TENM4: variants seen among roughly 807,000 people sequenced by gnomAD.
TENM4 encodes the protein teneurin transmembrane protein 4.
Under a neutral mutation model 243.3 loss-of-function variants are expected in TENM4, and 82 were observed. That is an observed-to-expected ratio of 0.34 (90% CI 0.28 to 0.40). The LOEUF (loss-of-function observed/expected upper bound fraction) is 0.40, where lower values mean the gene tolerates loss of function less well. TENM4 is among the 10% of genes least tolerant of loss of function. The pLI, the probability that TENM4 is intolerant of heterozygous loss-of-function variation, is 1.00. For missense variants in TENM4, 3,138 were observed against 3,673.3 expected (o/e 0.85, Z 3.77); for synonymous variants, 1,412 against 1,456.3 (o/e 0.97, Z 0.69).
At chr11:79,050,887 G>T (rs924240865) in intron 6 of TENM4, among the ~76,000 whole-genome samples, 1 of 152,286 alleles carries the variant, frequency 6.6e-6, no homozygotes, top group East Asian at 1.9e-4. Flanking sequence ...GCTGACTGGA[G>T]CCTTTTCACA....
chr11:78,906,259 AC>A (rs1856062141), intron 6 of TENM4, among the ~76,000 whole-genome samples: 1 of 152,356 alleles, frequency 6.6e-6, no homozygotes, highest in African/African-American at 2.4e-5. Context: ...ACAGATGAGG[AC>A]GCTGAGGCTT....
intron 4 of TENM4, among the ~76,000 whole-genome samples, chr11:79,089,931 A>G (rs903046575): frequency 7.9e-5 from 12 of 152,226 alleles, no homozygotes; most frequent in South Asian, 2.1e-4. Flanking sequence ...GCTGAGATTC[A>G]AAGCCCCACA....
At chr11:78,796,263 C>T (rs1286755431) in intron 15 of TENM4, among the ~76,000 whole-genome samples, 1 of 152,084 alleles carries the variant, frequency 6.6e-6, no homozygotes, top group African/African-American at 2.4e-5. Context: ...AGTTCAAACC[C>T]AGCTTGGAGG....
intron 1 of TENM4, among the ~76,000 whole-genome samples, chr11:79,360,153 T>C (rs1251098504): frequency 6.6e-6 from 1 of 152,210 alleles, no homozygotes; most frequent in African/African-American, 2.4e-5. Flanking sequence ...TTTATTATAG[T>C]TCATTTATGT....
At chr11:78,798,984 C>T (rs750194922) in intron 15 of TENM4, among the ~76,000 whole-genome samples, 11 of 152,118 alleles carry the variant, frequency 7.2e-5, no homozygotes, top group East Asian at 1.9e-4. Context: ...GTCTGATCCT[C>T]GGTGCCTAAA....
In TENM4 at chr11:79,052,665, C is replaced by T. The variant is rs1295903077; in HGVS notation, c.493+12073G>A. On this transcript the variant is annotated intron_variant, in intron 6 of 33. Transcript: ENST00000278550. Reference sequence around the variant, plus strand: ...GAGGGAGGGAGGAAGAAGCAGTTAACAGCAGCATCCATCACAGCTTATGCA... The same window carrying T: ...GAGGGAGGGAGGAAGAAGCAGTTAATAGCAGCATCCATCACAGCTTATGCA... 2.6e-5 allele frequency among the ~76,000 whole-genome samples: 4 copies of T among 152,170 alleles called. No homozygotes were observed. The East Asian group carries it at 7.7e-4, about 29-fold the overall frequency.
chr11:79,276,577 G>A (rs1856060418), intron 2 of TENM4, among the ~76,000 whole-genome samples: 1 of 152,124 alleles, frequency 6.6e-6, no homozygotes. Context: ...CTGATGCCTG[G>A]GCCTTTATCC....
Position 78,722,785 on chromosome 11 carries a change from T to C in TENM4, c.3683A>G (p.Lys1228Arg). Residue 1228 changes from lysine to arginine, a missense_variant, in exon 24 of 34, where the codon AAG (lysine) becomes AGG (arginine). Physicochemically the swap from Lys to Arg is conservative, Grantham distance 26. This residue lies in a region of TENM4 where 2,467 missense variants were observed against 3,059.1 expected (regional missense o/e 0.81). Transcript: ENST00000278550. ...GGTGAGGGCCACTGGGGCCAGGAGCTTGTTGCCGTCAGCAAGGCCGTTGCA... is the reference window on the plus strand; with the variant it reads ...GGTGAGGGCCACTGGGGCCAGGAGCCTGTTGCCGTCAGCAAGGCCGTTGCA... ...PSCNGLADGN[K>R]LLAPVALTCG... The C allele has an allele frequency of 6.2e-7, 1 of 1,614,068 alleles. No individual in the cohort carries two copies. Among genetic ancestry groups the C allele is most frequent in the South Asian group, 1.1e-5 (1 of 91,086 alleles).
Position 79,057,914 on chromosome 11 carries a change from C to G in TENM4, c.493+6824G>C, listed in dbSNP as rs909911081. Among the ~76,000 whole-genome samples, 95 of 152,310 alleles carry G rather than the reference C, an allele frequency of 6.2e-4. 1 individual carries two copies. Among genetic ancestry groups the G allele is most frequent in the African/African-American group, 2.2e-3 (90 of 41,572 alleles). On this transcript the variant is annotated intron_variant, in intron 6 of 33. Coordinates refer to ENST00000278550, the MANE Select transcript of TENM4 (RefSeq NM_001098816.3). ...CTTACCCCTCTTTGCCTGTTACAGT[C>G]CTTTCCAGCCCTCAAAACCTAGGGG... is the stretch of plus-strand genomic sequence containing the variant.
chr11:78,675,001 G>A (rs2135691303), intron 30 of TENM4, among the ~76,000 whole-genome samples: 1 of 152,216 alleles, frequency 6.6e-6, no homozygotes, highest in Non-Finnish European at 1.5e-5. Context: ...GAGTAGCTAG[G>A]ATTACTGGTG....
intron 1 of TENM4, among the ~76,000 whole-genome samples, chr11:79,343,462 G>A (rs1056448120): frequency 3.3e-5 from 5 of 151,734 alleles, no homozygotes; most frequent in Admixed American, 6.6e-5. Context: ...TTATAAAATG[G>A]GTATGACAAA....
intron 12 of TENM4, among the ~76,000 whole-genome samples, chr11:78,817,087 G>C (rs1857621720): frequency 6.6e-6 from 1 of 152,134 alleles, no homozygotes; most frequent in Non-Finnish European, 1.5e-5. Context: ...ATCTAGACAA[G>C]GGCATCAAAA....
chr11:79,062,428 C>A lies in TENM4; in HGVS notation c.493+2310G>T, dbSNP rs191981715. 3.3e-5 allele frequency among the ~76,000 whole-genome samples: 5 copies of A among 152,262 alleles called. No individual in the cohort carries two copies. In the East Asian group the frequency reaches 9.7e-4, roughly 29 times the overall value. ...GCGTTTATTAGAATACTGGTCCCAC[C>A]AGATGCTCTGAGAATAAAAGAGTTC... On this transcript the variant is annotated intron_variant, in intron 6 of 33. Transcript: ENST00000278550.
rs777302505 is a variant in TENM4 at position 78,669,517 on chromosome 11, C to G, written c.6828G>C (p.Leu2276=). 6.2e-7 allele frequency: 1 copy of G among 1,613,956 alleles called. No individual in the cohort carries two copies. Among genetic ancestry groups the G allele is most frequent in the South Asian group, 1.1e-5 (1 of 91,082 alleles). ...GDIFEYNSAG[L]LIKAYNRAGS... ...CAGCCCGGTTGTAGGCCTTGATGAG[C>G]AGGCCAGCTGAGTTGTACTCAAAGA... Residue 2276 remains leucine (L), a synonymous_variant, in exon 32 of 34, where the codon CTG becomes CTC. Transcript: ENST00000278550. The surrounding 1 kb of genome is among the most constrained non-coding windows in gnomAD (Gnocchi z 6.4).
At chr11:79,179,004 C>T (rs985840582) in intron 3 of TENM4, among the ~76,000 whole-genome samples, 3 of 152,218 alleles carry the variant, frequency 2.0e-5, no homozygotes, top group African/African-American at 7.2e-5. Flanking sequence ...CCCTTATTTA[C>T]AAAAGACTCC....
At chr11:79,383,032 C>CT (rs1388744693) in intron 1 of TENM4, among the ~76,000 whole-genome samples, 1 of 152,256 alleles carries the variant, frequency 6.6e-6, no homozygotes, top group Middle Eastern at 3.4e-3. Context: ...TGTGCTGTGG[C>CT]TTCTCCAACT....
At chr11:79,211,146 GT>G (rs1863947227) in intron 3 of TENM4, among the ~76,000 whole-genome samples, 1 of 152,142 alleles carries the variant, frequency 6.6e-6, no homozygotes, top group Non-Finnish European at 1.5e-5. Flanking sequence ...TCTGAAGGCA[GT>G]TACACCAACT....
At chr11:78,792,069 T>C (rs978085939) in intron 15 of TENM4, among the ~76,000 whole-genome samples, 12 of 152,328 alleles carry the variant, frequency 7.9e-5, no homozygotes, top group African/African-American at 2.6e-4. Flanking sequence ...AGAGTAATAA[T>C]GGTCCCCCTC....
At chr11:78,885,454 A>G (rs1286389130) in intron 9 of TENM4, among the ~76,000 whole-genome samples, 1 of 152,072 alleles carries the variant, frequency 6.6e-6, no homozygotes, top group Non-Finnish European at 1.5e-5. Context: ...GCCAAGTAGC[A>G]CTCCCAGGAG....
Sources: gnomAD v4.1 joint callset for allele counts (sites outside exome capture counted in the v4.1 genomes callset) on GRCh38, gnomAD v4.1.1 for gene constraint, gnomAD v4.1.1 regional missense constraint, Gnocchi (gnomAD v3.1) non-coding constraint, MANE v1.5 for transcripts, NCBI Gene and HGNC (gene_info 2026-07-23, HGNC 2026-07-21) for gene names.